Variants in UPP2 observed in about 807,000 individuals in gnomAD.
The protein encoded by UPP2 is UPase 2.
A neutral mutation model predicts 26.7 loss-of-function variants in UPP2; 23 were observed. That is an observed-to-expected ratio of 0.86 (90% confidence interval 0.62 to 1.22). The LOEUF is 1.22. Among genes scored for constraint, UPP2 ranks in the 50% most tolerant of loss-of-function variants. UPP2 has a pLI of 0.00. For missense variants in UPP2, 387 were observed against 396.7 expected (o/e 0.98, Z 0.21); for synonymous variants, 127 against 141.3 (o/e 0.90, Z 0.72).
chr2:158,044,990 A>C (rs1684131625), intron 3 of UPP2, among the ~76,000 whole-genome samples: 1 of 152,206 alleles, frequency 6.6e-6, no homozygotes, highest in South Asian at 2.1e-4. Flanking sequence ...ATGTTAAATG[A>C]ATGTATTTTC....
chr2:158,018,216 C>T (rs1411295607), intron 3 of UPP2, among the ~76,000 whole-genome samples: 2 of 152,202 alleles, frequency 1.3e-5, no homozygotes, highest in African/African-American at 4.8e-5. Flanking sequence ...AAAAGCTCCG[C>T]TTCCTGTGAT....
chr2:157,996,177 G>A (rs1275877284), intron 2 of UPP2, among the ~76,000 whole-genome samples: 2 of 152,174 alleles, frequency 1.3e-5, no homozygotes, highest in Non-Finnish European at 2.9e-5. Flanking sequence ...GTGACCACAT[G>A]ATTGTAGAGG....
At chr2:158,078,056 G>T (rs1682658871) in intron 3 of UPP2, among the ~76,000 whole-genome samples, 1 of 152,028 alleles carries the variant, frequency 6.6e-6, no homozygotes, top group South Asian at 2.1e-4. Flanking sequence ...GATCATCAGA[G>T]AAATGCAAAT....
chr2:158,084,898 C>A (rs536115841), intron 3 of UPP2, among the ~76,000 whole-genome samples: 1 of 152,156 alleles, frequency 6.6e-6, no homozygotes, highest in South Asian at 2.1e-4. Flanking sequence ...TGACTATGGC[C>A]TTATAATATA....
At chr2:158,061,406 C>T (rs1456781587) in intron 3 of UPP2, among the ~76,000 whole-genome samples, 1 of 152,140 alleles carries the variant, frequency 6.6e-6, no homozygotes, top group Non-Finnish European at 1.5e-5. Flanking sequence ...AATTAGTGCT[C>T]CTAGAAAGAG....
chr2:158,062,863 T>C (rs986144576), intron 3 of UPP2, among the ~76,000 whole-genome samples: 13 of 152,238 alleles, frequency 8.5e-5, no homozygotes, highest in Non-Finnish European at 1.8e-4. Flanking sequence ...GACTGCTATA[T>C]TACCTCAATT....
At chr2:158,018,960 GTCTTGCGTGGCCCCAAGA>G (rs1683702838) in intron 3 of UPP2, among the ~76,000 whole-genome samples, 1 of 152,044 alleles carries the variant, frequency 6.6e-6, no homozygotes, top group Non-Finnish European at 1.5e-5. Context: ...CAGAAGCATG[GTCTTGCGTGGCCCCAAGA>G]TAGGTAGATC....
At chr2:158,093,681 C>T (rs758372007) in intron 3 of UPP2, among the ~76,000 whole-genome samples, 1 of 152,050 alleles carries the variant, frequency 6.6e-6, no homozygotes, top group Non-Finnish European at 1.5e-5. Context: ...ACAGTCATCA[C>T]ATTAACAAAA....
intron 6 of UPP2, among the ~76,000 whole-genome samples, chr2:158,131,649 C>T (rs1300418152): frequency 6.6e-6 from 1 of 152,194 alleles, no homozygotes; most frequent in Non-Finnish European, 1.5e-5. Context: ...ATTCTAGCCT[C>T]AGGTCAGTTC....
intron 3 of UPP2, among the ~76,000 whole-genome samples, chr2:158,069,086 C>T (rs184761554): frequency 5.3e-4 from 80 of 151,932 alleles, no homozygotes; most frequent in African/African-American, 1.8e-3. Context: ...GCTAGGATTA[C>T]AGGCACGATC....
chr2:158,070,976 T>C lies in UPP2; in HGVS notation c.148-31064T>C, dbSNP rs77862098. 4.5e-3 allele frequency among the ~76,000 whole-genome samples: 682 copies of C among 152,234 alleles called. 2 individuals carry two copies. The highest frequency in any genetic ancestry group is 0.015 in the African/African-American group (615 of 41,530). On this transcript the variant is annotated intron_variant, in intron 3 of 9. Transcript: ENST00000605860. ...CCATTGCCTGCCCACAGAGAGATCA[T>C]TTGGATCAGCCTTAGCCGGAGGGGG...
At chr2:158,017,328 C>T (rs1683675284) in intron 3 of UPP2, among the ~76,000 whole-genome samples, 1 of 151,986 alleles carries the variant, frequency 6.6e-6, no homozygotes, top group Non-Finnish European at 1.5e-5. Context: ...CCAGAGGTAC[C>T]TTGTGAATAA....
Position 158,001,001 on chromosome 2 carries a change from A to G in UPP2, c.61+5742A>G, listed in dbSNP as rs900267383. Among the ~76,000 whole-genome samples, 67 of 152,218 alleles carry G rather than the reference A, an allele frequency of 4.4e-4. 3 individuals are homozygous for G. The highest frequency in any genetic ancestry group is 9.6e-4 in the Non-Finnish European group (65 of 68,032). On this transcript the variant is annotated intron_variant, in intron 2 of 9. Coordinates refer to the UPP2 transcript ENST00000605860. ...GAGCATAGTACCTCCAGTTGTCAGTAACTGCATTCACTTCTCTGTATTGCT... is the reference window on the plus strand; with the variant it reads ...GAGCATAGTACCTCCAGTTGTCAGTGACTGCATTCACTTCTCTGTATTGCT...
At chr2:158,114,022 G>A (rs76060313) in intron 2 of UPP2, among the ~76,000 whole-genome samples, 1 of 152,196 alleles carries the variant, frequency 6.6e-6, no homozygotes, top group East Asian at 1.9e-4. Context: ...AAAACTCTCT[G>A]AGAGGTACTG....
intron 1 of UPP2, 77 bp downstream of exon 1, chr2:158,102,202 T>C (rs1295153215): frequency 2.7e-5 from 41 of 1,533,566 alleles, no homozygotes; most frequent in Non-Finnish European, 3.6e-5. Context: ...GATTAGATAA[T>C]GGGCCTCTAC....
chr2:158,053,466 A>G (rs532460383), intron 3 of UPP2, among the ~76,000 whole-genome samples: 34 of 152,272 alleles, frequency 2.2e-4, no homozygotes, highest in African/African-American at 7.9e-4. Flanking sequence ...GTCTGACTCC[A>G]ATGTCTGAAT....
At chr2:158,057,705 T>C (rs1016951348) in intron 3 of UPP2, among the ~76,000 whole-genome samples, 2 of 152,154 alleles carry the variant, frequency 1.3e-5, no homozygotes, top group African/African-American at 4.8e-5. Context: ...CTAATTTTTA[T>C]TATTAAGTAT....
chr2:158,042,544 A>G (rs558172294), intron 3 of UPP2, among the ~76,000 whole-genome samples: 60 of 152,260 alleles, frequency 3.9e-4, no homozygotes, highest in African/African-American at 1.4e-3. Flanking sequence ...TGTGGGCAGA[A>G]ATTTAGACAA....
chr2:158,019,316 G>A (rs1683710277), intron 3 of UPP2, among the ~76,000 whole-genome samples: 1 of 152,096 alleles, frequency 6.6e-6, no homozygotes, highest in South Asian at 2.1e-4. Flanking sequence ...ATGAAAGGAG[G>A]CAGGAGAGAG....
Sources: allele counts gnomAD v4.1 joint callset (sites outside exome capture counted in the v4.1 genomes callset), GRCh38; gene constraint gnomAD v4.1.1; transcripts MANE v1.5; gene names NCBI Gene and HGNC (gene_info 2026-07-23, HGNC 2026-07-21).